DAPK2: variants seen among roughly 807,000 people sequenced by gnomAD.
DAPK2 encodes death associated protein kinase 2.
DAPK2 carries 35 observed loss-of-function variants against 44.1 expected under a neutral mutation model. That is an observed-to-expected ratio of 0.79 (90% CI 0.61 to 1.05). DAPK2 has a LOEUF of 1.05. Ranked by LOEUF, DAPK2 falls within the 50% of genes least tolerant of loss-of-function variation. DAPK2 has a pLI of 0.00. For synonymous variants in DAPK2, 174 were observed against 182.6 expected, an observed-to-expected ratio of 0.95 and a Z score of 0.38; for missense variants, 453 against 483.2, an observed-to-expected ratio of 0.94 and a Z score of 0.59.
At chr15:63,983,502 C>A in intron 2 of DAPK2, 31 bp downstream of exon 3, 1 of 1,605,464 alleles carries the variant, frequency 6.2e-7, no homozygotes, top group Non-Finnish European at 8.5e-7. Flanking sequence ...TGCTGCCCCC[C>A]AACCCTGTGG....
intron 8 of DAPK2, among the ~76,000 whole-genome samples, chr15:63,924,007 C>T (rs1332726546): frequency 2.0e-5 from 3 of 152,144 alleles, no homozygotes; most frequent in Non-Finnish European, 4.4e-5. Flanking sequence ...TTCTTATCTC[C>T]ACCTTTCTTA....
chr15:64,022,491 C>G (rs945600480), intron 1 of DAPK2, among the ~76,000 whole-genome samples: 2 of 152,192 alleles, frequency 1.3e-5, no homozygotes, highest in African/African-American at 4.8e-5. Flanking sequence ...CCGTAAAGAA[C>G]TGACCACTTA....
chr15:63,983,576 CGTGCAGCGTGATGACATTGTG>C, exon 2 of DAPK2: 2 of 1,614,216 alleles, frequency 1.2e-6, no homozygotes, highest in East Asian at 4.5e-5. Flanking sequence ...TCATAGACGT[CGTGCAGCGTGATGACATTGTG>C]GTGCAGCACC....
intron 3 of DAPK2, among the ~76,000 whole-genome samples, chr15:63,945,201 C>T (rs1440805779): frequency 2.0e-5 from 3 of 152,292 alleles, no homozygotes; most frequent in South Asian, 4.1e-4. Context: ...CTTCCCCCAA[C>T]CCTGTGCTCT....
intron 3 of DAPK2, among the ~76,000 whole-genome samples, chr15:63,967,717 C>A (rs187714842): frequency 1.3e-5 from 2 of 152,086 alleles, no homozygotes; most frequent in Non-Finnish European, 2.9e-5. Flanking sequence ...ATCCATTTGT[C>A]GGCTCCCTGC....
rs1364708162 is a variant in DAPK2, at chr15:63,971,516, T to A, written c.360A>T (p.Ser120=). Residue 120 remains serine, a synonymous_variant, in exon 3 of 11, where the codon TCA becomes TCT. Coordinates refer to ENST00000261891, the Ensembl canonical transcript of DAPK2. ...AGCTGGTGGCCTCCTCCTCACTCAGTGACTCCTTCTGGGCCAGGAAATCGA... is the reference window on the plus strand; with the variant it reads ...AGCTGGTGGCCTCCTCCTCACTCAGAGACTCCTTCTGGGCCAGGAAATCGA... The A allele has an allele frequency of 2.5e-6, 4 of 1,614,190 alleles. No homozygotes were observed. In the Admixed American group the frequency reaches 5.0e-5, roughly 20 times the overall value.
chr15:64,029,890 A>G (rs933774041), intron 1 of DAPK2: 3 of 152,228 alleles, frequency 2.0e-5, no homozygotes, highest in Non-Finnish European at 4.4e-5. Context: ...CCTGAGTTAC[A>G]AGAGACCACT....
At chr15:63,959,463 C>T (rs185179620) in intron 3 of DAPK2, among the ~76,000 whole-genome samples, 10 of 152,266 alleles carry the variant, frequency 6.6e-5, no homozygotes, top group Non-Finnish European at 5.9e-5. Flanking sequence ...CCAGTTTGTG[C>T]CCATTCATTA....
rs747759904 is a variant in DAPK2, at chr15:63,952,632, A to C, written c.454-13271T>G. 4.1e-4 allele frequency among the ~76,000 whole-genome samples: 54 copies of C among 131,978 alleles called. 1 individual carries two copies. Among genetic ancestry groups the C allele is most frequent in the Admixed American group, 1.1e-3 (13 of 11,926 alleles). The allele number at this position is 131,978 out of a possible 152,430, so 86.6% of individuals were successfully genotyped here. A position where few individuals can be genotyped will look rare whatever the true frequency, so the allele number is the denominator to read the frequency against. On this transcript the variant is annotated intron_variant, in intron 3 of 10. Transcript: ENST00000261891. ...TCATCACAGATTTTTGGGCAAGAGCATTCCATGATCTGTTTTTTTTTATTT... is the reference window on the plus strand; with the variant it reads ...TCATCACAGATTTTTGGGCAAGAGCCTTCCATGATCTGTTTTTTTTTATTT...
At chr15:63,910,670 A>G (rs1238165824) in intron 10 of DAPK2, 1 of 152,324 alleles carries the variant, frequency 6.6e-6, no homozygotes, top group Non-Finnish European at 1.5e-5. Flanking sequence ...CTCCCTGAGT[A>G]GCTAGGACTA....
intron 1 of DAPK2, among the ~76,000 whole-genome samples, chr15:64,007,354 C>T (rs1408699462): frequency 6.6e-6 from 1 of 151,964 alleles, no homozygotes. Flanking sequence ...TTTTCTGGCC[C>T]CCACTCAGTT....
At position 63,916,469 on chromosome 15, in the gene DAPK2, C is replaced by T. The variant is rs1034219576; in HGVS notation, c.859-4272G>A. 2.6e-5 allele frequency: 4 copies of T among 152,474 alleles called. No individual in the cohort carries two copies. Among genetic ancestry groups the T allele is most frequent in the Non-Finnish European group, 4.4e-5 (3 of 68,196 alleles). The allele number at this position is 152,474 out of a possible 1,614,324, so 9.4% of individuals were successfully genotyped here. A position where few individuals can be genotyped will look rare whatever the true frequency, so the allele number is the denominator to read the frequency against. ...CACTTCTCTCCTGCCCAGGACCCCT[C>T]CCCGCTGCCCTTCCCTCAATGGAGT... On this transcript the variant is annotated intron_variant, in intron 8 of 10. Coordinates refer to ENST00000261891, the Ensembl canonical transcript of DAPK2. The surrounding 1 kb of genome is among the most constrained non-coding windows in gnomAD (Gnocchi z 4.7).
At chr15:63,938,330 G>GTTAA (rs2077218074) in intron 4 of DAPK2, among the ~76,000 whole-genome samples, 1 of 152,132 alleles carries the variant, frequency 6.6e-6, no homozygotes, top group Non-Finnish European at 1.5e-5. Context: ...AGCCATTTGG[G>GTTAA]GATAATTAAG....
In DAPK2 at chr15:63,922,279, C is replaced by T. The variant is rs891677870; in HGVS notation, c.858+2537G>A. ...GAAAGGCAATATTATTTTCTCTATG[C>T]ATTGTAAATCCCTGCTTCTGTAGCA... On this transcript the variant is annotated intron_variant, in intron 8 of 10. Coordinates refer to ENST00000261891, the Ensembl canonical transcript of DAPK2. 6.6e-5 allele frequency: 65 copies of T among 991,160 alleles called. No homozygotes were observed. In the African/African-American group the frequency reaches 1.1e-3, roughly 16 times the overall value. 61.4% of individuals were successfully genotyped at this position (991,160 alleles called of 1,614,324 possible).
chr15:63,947,851 C>T (rs1355872656), intron 3 of DAPK2, among the ~76,000 whole-genome samples: 1 of 152,164 alleles, frequency 6.6e-6, no homozygotes, highest in Non-Finnish European at 1.5e-5. Flanking sequence ...TGCAGCCCAG[C>T]TCTTCTTCCT....
intron 1 of DAPK2, among the ~76,000 whole-genome samples, chr15:63,994,033 A>C (rs1013565384): frequency 2.6e-5 from 4 of 152,208 alleles, no homozygotes; most frequent in African/African-American, 9.7e-5. Flanking sequence ...GCTTCAGGCA[A>C]GGAGAGCAGA....
chr15:63,992,939 G>C (rs994480850), intron 1 of DAPK2, among the ~76,000 whole-genome samples: 9 of 152,242 alleles, frequency 5.9e-5, no homozygotes, highest in Non-Finnish European at 1.2e-4. Context: ...TTAAAAACGA[G>C]CTTGTGCTGC....
At chr15:64,030,292 A>G (rs1301269936) in intron 1 of DAPK2, among the ~76,000 whole-genome samples, 3 of 151,904 alleles carry the variant, frequency 2.0e-5, no homozygotes, top group South Asian at 4.1e-4. Context: ...CATCTCAAAA[A>G]CCAAAAACCA....
rs146161381 is a variant in DAPK2, at chr15:64,027,844, T to C, written c.92+12326A>G. ...CAGTTTAAACCATTAAGCAAATCAG[T>C]CATAACCTTTGACCTGGTATGCAAC... On this transcript the variant is annotated intron_variant, in intron 1 of 10. Transcript: ENST00000261891. Among the ~76,000 whole-genome samples, 545 of 152,244 alleles carry C rather than the reference T, an allele frequency of 3.6e-3. 3 individuals are homozygous for C. The highest frequency in any genetic ancestry group is 5.3e-3 in the Non-Finnish European group (363 of 67,986).
Sources: gnomAD v4.1 joint callset for allele counts (sites outside exome capture counted in the v4.1 genomes callset) on GRCh38, gnomAD v4.1.1 for gene constraint, Gnocchi (gnomAD v3.1) non-coding constraint, MANE v1.5 for transcripts, NCBI Gene and HGNC (gene_info 2026-07-23, HGNC 2026-07-21) for gene names.